Variants in DAB1 observed in about 807,000 individuals in gnomAD.
DAB1 encodes the protein disabled homolog 1.
DAB1 carries 15 observed loss-of-function variants against 64.6 expected under a neutral mutation model. The observed-to-expected ratio is 0.23, with a 90% CI of 0.16 to 0.36. The LOEUF is 0.36. DAB1 is among the 10% of genes least tolerant of loss of function. The pLI is 1.00. For missense variants in DAB1, 596 were observed against 706.7 expected, an observed-to-expected ratio of 0.84 and a Z score of 1.78; for synonymous variants, 235 against 251.9, an observed-to-expected ratio of 0.93 and a Z score of 0.64.
At chr1:58,400,348 A>C (rs1307590597) in intron 3 of DAB1, among the ~76,000 whole-genome samples, 2 of 152,066 alleles carry the variant, frequency 1.3e-5, no homozygotes, top group Non-Finnish European at 2.9e-5. Context: ...CCCCGCTCAG[A>C]CCAGACACCC....
At chr1:57,969,277 C>T (rs11807516) in intron 5 of DAB1, among the ~76,000 whole-genome samples, 5,776 of 152,146 alleles carry the variant, frequency 0.038, 201 homozygotes, top group East Asian at 0.12. Context: ...TCACTTTACA[C>T]TTTTCAAATG....
chr1:57,119,125 G>A (rs982070831), intron 4 of DAB1, among the ~76,000 whole-genome samples: 4 of 152,168 alleles, frequency 2.6e-5, no homozygotes, highest in African/African-American at 9.7e-5. Context: ...AACTTTTCCA[G>A]TGATTTGATT....
At chr1:57,500,955 A>G (rs931857384) in intron 7 of DAB1, among the ~76,000 whole-genome samples, 1 of 152,210 alleles carries the variant, frequency 6.6e-6, no homozygotes, top group African/African-American at 2.4e-5. Flanking sequence ...TAGTCTCTAA[A>G]ACATAAAGCT....
chr1:57,210,665 A>C (rs1054961690), intron 2 of DAB1, among the ~76,000 whole-genome samples: 1 of 152,180 alleles, frequency 6.6e-6, no homozygotes, highest in Non-Finnish European at 1.5e-5. Context: ...AGTTCATCTC[A>C]ATCCAAAGGC....
chr1:58,470,333 C>A (rs1295920778), intron 3 of DAB1, among the ~76,000 whole-genome samples: 1 of 151,828 alleles, frequency 6.6e-6, no homozygotes, highest in East Asian at 1.9e-4. Context: ...AGCACCGCAC[C>A]CAGCTAATTT....
chr1:58,073,706 G>A lies in DAB1; in HGVS notation n.387+76805C>T, dbSNP rs56391911. 1.0e-2 allele frequency among the ~76,000 whole-genome samples: 1,518 copies of A among 152,302 alleles called. 25 individuals are homozygous for A. The highest frequency in any genetic ancestry group is 0.035 in the African/African-American group (1,454 of 41,566). ...AAGTGGGAAATTCAGGTAGAATTTGGAATGGGGATGGGGCAGCTGACTGGC... is the reference window on the plus strand; with the variant it reads ...AAGTGGGAAATTCAGGTAGAATTTGAAATGGGGATGGGGCAGCTGACTGGC... On this transcript the variant is annotated intron_variant and non_coding_transcript_variant, in intron 5 of 20. Transcript: ENST00000485760.
chr1:57,936,044 G>A (rs533275680), intron 5 of DAB1, among the ~76,000 whole-genome samples: 11 of 152,320 alleles, frequency 7.2e-5, no homozygotes, highest in African/African-American at 2.4e-4. Flanking sequence ...CTGAACCTTG[G>A]TTTTCTCATC....
chr1:57,826,642 A>G (rs1170282310), intron 1 of DAB1, among the ~76,000 whole-genome samples: 1 of 152,230 alleles, frequency 6.6e-6, no homozygotes, highest in Middle Eastern at 3.2e-3. Flanking sequence ...GAAGCGATAC[A>G]GCAAACAGGC....
chr1:57,724,332 AAG>A (rs1647183890), intron 6 of DAB1, among the ~76,000 whole-genome samples: 1 of 119,264 alleles, frequency 8.4e-6, no homozygotes, highest in African/African-American at 3.2e-5. Context: ...GGAAGGAAGG[AAG>A]AGAGGGGAGG....
chr1:57,295,355 C>T (rs1673108301), intron 1 of DAB1, among the ~76,000 whole-genome samples: 1 of 152,046 alleles, frequency 6.6e-6, no homozygotes, highest in Non-Finnish European at 1.5e-5. Context: ...GTAGTTTTCC[C>T]AAAACCAAGA....
chr1:57,485,137 C>T (rs1644073781), intron 7 of DAB1, among the ~76,000 whole-genome samples: 1 of 152,108 alleles, frequency 6.6e-6, no homozygotes, highest in Non-Finnish European at 1.5e-5. Context: ...ACTGTATGCC[C>T]TGTGACCCTT....
chr1:57,482,477 T>TAAAAAAAAAAAAAAAAAAA (rs918167439), intron 7 of DAB1, among the ~76,000 whole-genome samples: 3 of 61,200 alleles, frequency 4.9e-5, no homozygotes, highest in Non-Finnish European at 1.0e-4. Context: ...CTGAAAGTTG[T>TAAAAAAAAAAAAAAAAAAA]AAAAAAAAAA....
upstream of DAB1, among the ~76,000 whole-genome samples, chr1:57,426,434 C>T (rs1354712765): frequency 6.6e-6 from 1 of 152,164 alleles, no homozygotes; most frequent in African/African-American, 2.4e-5. Flanking sequence ...CTTAAAGGAA[C>T]ATTTTAAGTT....
intron 1 of DAB1, among the ~76,000 whole-genome samples, chr1:57,837,887 C>A (rs1347169432): frequency 6.6e-6 from 1 of 150,832 alleles, no homozygotes; most frequent in Non-Finnish European, 1.5e-5. Flanking sequence ...CCATCCCCCA[C>A]CACCTCCACT....
At position 58,052,060 on chromosome 1, in the gene DAB1, T is replaced by C. The variant is rs140395162; in HGVS notation, n.387+98451A>G. 7.1e-3 allele frequency among the ~76,000 whole-genome samples: 1,084 copies of C among 152,354 alleles called. 21 individuals carry two copies. The highest frequency in any genetic ancestry group is 0.025 in the African/African-American group (1,048 of 41,578). ...GCTCTTTAGTTTAATTAGATCCCAT[T>C]TGTCTATTTTGGCTTTTGTTGCCAT... On this transcript the variant is annotated intron_variant and non_coding_transcript_variant, in intron 5 of 20. Coordinates refer to the DAB1 transcript ENST00000485760.
intron 7 of DAB1, among the ~76,000 whole-genome samples, chr1:57,640,189 C>T (rs1292811749): frequency 6.6e-6 from 1 of 152,102 alleles, no homozygotes; most frequent in Non-Finnish European, 1.5e-5. Context: ...GCCTCAAATT[C>T]CTCATCTGCC....
At chr1:57,942,859 C>T (rs1485093492) in intron 5 of DAB1, among the ~76,000 whole-genome samples, 5 of 152,236 alleles carry the variant, frequency 3.3e-5, no homozygotes, top group Admixed American at 1.3e-4. Flanking sequence ...TTGGGTTTAG[C>T]CATTACACTA....
intron 5 of DAB1, among the ~76,000 whole-genome samples, chr1:58,099,816 A>G (rs895016375): frequency 6.6e-6 from 1 of 152,214 alleles, no homozygotes; most frequent in Non-Finnish European, 1.5e-5. Flanking sequence ...CCCAGAAAAT[A>G]AGTGTGGAAC....
At chr1:57,396,538 T>C (rs1266210923) in intron 1 of DAB1, among the ~76,000 whole-genome samples, 5 of 152,230 alleles carry the variant, frequency 3.3e-5, no homozygotes, top group African/African-American at 1.2e-4. Context: ...TCTTTGACTT[T>C]ACGAGTTTAG....
Sources: gnomAD v4.1 joint callset for allele counts (sites outside exome capture counted in the v4.1 genomes callset) on GRCh38, gnomAD v4.1.1 for gene constraint, MANE v1.5 for transcripts, NCBI Gene and HGNC (gene_info 2026-07-23, HGNC 2026-07-21) for gene names.